SBDS: variants seen among roughly 807,000 people sequenced by gnomAD.
SBDS encodes the protein ribosome maturation protein SBDS.
Under a neutral mutation model 26.4 loss-of-function variants are expected in SBDS, and 20 were observed. That is an observed-to-expected ratio of 0.76 (90% CI 0.53 to 1.10). The LOEUF is 1.10. Among genes scored for constraint, SBDS ranks in the 50% least tolerant of loss-of-function variants. The pLI is 0.00. For synonymous variants in SBDS, 95 were observed against 105.1 expected (o/e 0.90, Z 0.59); for missense variants, 241 against 302.0 (o/e 0.80, Z 1.50).
In SBDS at chr7:66,988,517, G is replaced by T; in HGVS notation, c.625-18C>A. On this transcript the variant is annotated intron_variant, in intron 4 of 4. Coordinates refer to ENST00000246868, the MANE Select transcript of SBDS (RefSeq NM_016038.4). ...AGACATACCTGAAACATTTAACGTAGCAGATTACCACATGAGGATGAGCAA... is the reference window on the plus strand; with the variant it reads ...AGACATACCTGAAACATTTAACGTATCAGATTACCACATGAGGATGAGCAA... 6.2e-7 allele frequency: 1 copy of T among 1,612,348 alleles called. No individual in the cohort carries two copies.
chr7:66,991,468 G>C (rs540585777), intron 3 of SBDS, among the ~76,000 whole-genome samples, 167 bp from the exon 4 acceptor site: 1 of 152,112 alleles, frequency 6.6e-6, no homozygotes, highest in East Asian at 1.9e-4. Context: ...GACTTATCAA[G>C]AAGAAAAGCT....
At chr7:66,994,830 A>G (rs971764935) in intron 1 of SBDS, among the ~76,000 whole-genome samples, 4 of 152,152 alleles carry the variant, frequency 2.6e-5, no homozygotes, top group Non-Finnish European at 4.4e-5. Context: ...GACGTAAGAA[A>G]CACAAGGGTG....
Position 66,994,211 on chromosome 7 carries a change from C to A in SBDS, c.258+1G>T. ...TTAGCTATGCTGCAGCTGTTACCCACCTGCTTACAGATTTCAGTTTGGTCA... is the reference window on the plus strand; with the variant it reads ...TTAGCTATGCTGCAGCTGTTACCCAACTGCTTACAGATTTCAGTTTGGTCA... On this transcript the variant is annotated splice_donor_variant, in intron 2 of 4. Transcript: ENST00000246868. LOFTEE classifies it high-confidence loss of function. 6.2e-7 allele frequency: 1 copy of A among 1,613,980 alleles called. No individual in the cohort carries two copies. Among genetic ancestry groups the A allele is most frequent in the Non-Finnish European group, 8.5e-7 (1 of 1,179,926 alleles).
At chr7:66,992,599 GAA>G (rs200317456) in intron 3 of SBDS, among the ~76,000 whole-genome samples, 1 of 146,884 alleles carries the variant, frequency 6.8e-6, no homozygotes, top group Admixed American at 6.8e-5. Flanking sequence ...GTGTTTACTT[GAA>G]AAAAAAAAAT....
intron 4 of SBDS, 35 bp from the exon 5 acceptor site, chr7:66,988,534 G>A: frequency 6.2e-7 from 1 of 1,609,922 alleles, no homozygotes; most frequent in South Asian, 1.1e-5. Context: ...ACCACATGAG[G>A]ATGAGCAAGA....
intron 1 of SBDS, among the ~76,000 whole-genome samples, chr7:66,994,572 GTAACCT>G (rs1793055108): frequency 6.6e-6 from 1 of 151,384 alleles, no homozygotes; most frequent in Non-Finnish European, 1.5e-5. Context: ...TCGGGTCACT[GTAACCT>G]CAGCCTCCCG....
chr7:66,988,651 C>T (rs182235808), intron 4 of SBDS, 152 bp from the exon 5 acceptor site: 18 of 945,580 alleles, frequency 1.9e-5, no homozygotes, highest in East Asian at 2.6e-5. Flanking sequence ...ATGGGTAGGG[C>T]GGCACACTGG....
At chr7:66,989,660 T>C (rs183590632) in intron 4 of SBDS, among the ~76,000 whole-genome samples, 6 of 151,714 alleles carry the variant, frequency 4.0e-5, no homozygotes, top group Admixed American at 6.6e-5. Context: ...CATAAGGACA[T>C]AATGGTTTCG....
chr7:66,994,434 G>T (rs1562955502), intron 1 of SBDS, 93 bp from the exon 2 acceptor site: 8 of 1,140,712 alleles, frequency 7.0e-6, no homozygotes, highest in Non-Finnish European at 1.1e-5. Context: ...AACATGAACG[G>T]CAAGACACAA....
Position 66,988,577 on chromosome 7 carries a change from G to T in SBDS, c.625-78C>A, listed in dbSNP as rs1792915527. ...TAAACTCAGCTTTAACTTCCTTTGA[G>T]GCAAGCACAATGCTGTCCAGATCTC... On this transcript the variant is annotated intron_variant, in intron 4 of 4. Transcript: ENST00000246868. 4.6e-6 allele frequency: 7 copies of T among 1,527,614 alleles called. No individual in the cohort carries two copies. In the Admixed American group the frequency reaches 1.2e-4, roughly 26 times the overall value. 94.6% of individuals were successfully genotyped at this position (1,527,614 alleles called of 1,614,324 possible).
chr7:66,989,736 C>T (rs1235428388), intron 4 of SBDS, among the ~76,000 whole-genome samples: 1 of 152,140 alleles, frequency 6.6e-6, no homozygotes, highest in East Asian at 1.9e-4. Context: ...TCTGGAAACA[C>T]CCTCACAGAC....
In SBDS at chr7:66,993,410, G is replaced by C. The variant is rs767695678; in HGVS notation, c.266C>G (p.Thr89Ser). 5.0e-5 allele frequency: 80 copies of C among 1,613,152 alleles called. No homozygotes were observed. Among genetic ancestry groups the C allele is most frequent in the Non-Finnish European group, 6.3e-5 (74 of 1,179,532 alleles). Residue 89 changes from threonine (T) to serine (S), a missense_variant, in exon 3 of 5, where the codon ACT (threonine) becomes AGT (serine). Physicochemically the swap from Thr to Ser is moderately conservative, Grantham distance 58 (BLOSUM62 1). Coordinates refer to ENST00000246868, the MANE Select transcript of SBDS (RefSeq NM_016038.4). Reference protein sequence around the residue: ...DQTEICKQILTKGEVQVSDKE... With the variant: ...DQTEICKQILSKGEVQVSDKE... ...ATCTGATACTTGAACTTCTCCTTTA[G>C]TCAAAATCTAAAAAAATGCCAACAC...
intron 4 of SBDS, among the ~76,000 whole-genome samples, chr7:66,990,810 A>T (rs879603196): frequency 1.3e-5 from 2 of 152,040 alleles, no homozygotes; most frequent in Non-Finnish European, 2.9e-5. Context: ...AGGTCAGGAG[A>T]TCAAGACCGT....
chr7:66,991,498 T>C (rs1356547843), intron 3 of SBDS, among the ~76,000 whole-genome samples, 197 bp from the exon 4 acceptor site: 2 of 151,840 alleles, frequency 1.3e-5, no homozygotes, highest in African/African-American at 2.4e-5. Flanking sequence ...CAAAAAACTA[T>C]GAAGAAAGTG....
At chr7:66,993,143 C>T in intron 3 of SBDS, 74 bp downstream of exon 3, 1 of 1,347,054 alleles carries the variant, frequency 7.4e-7, no homozygotes, top group Non-Finnish European at 1.1e-6. Flanking sequence ...GGCCCCAGAC[C>T]CATTATTTTA....
At chr7:66,994,085 A>C in intron 2 of SBDS, 127 bp downstream of exon 2, 1 of 926,528 alleles carries the variant, frequency 1.1e-6, no homozygotes, top group Non-Finnish European at 1.7e-6. Flanking sequence ...ATTAGAAGTG[A>C]CACTGTGCAG....
rs2129231762 is a variant in SBDS, at chr7:66,991,233, G to A, written c.528C>T (p.Phe176=). The change falls in exon 4 of 5, where the codon TTC becomes TTT. Residue 176 remains phenylalanine, a synonymous_variant. Transcript: ENST00000246868. Reference sequence around the variant, plus strand: ...TCTTGCCTTCATTGACTGGAAGGATGAACCGAAGCCTCATGTGAGCACGTT... The same window carrying A: ...TCTTGCCTTCATTGACTGGAAGGATAAACCGAAGCCTCATGTGAGCACGTT... ...KIERAHMRLR[F]ILPVNEGKKL... 6.2e-7 allele frequency: 1 copy of A among 1,613,966 alleles called. No homozygotes were observed. The highest frequency in any genetic ancestry group is 1.6e-4 in the Middle Eastern group (1 of 6,062).
intron 3 of SBDS, among the ~76,000 whole-genome samples, chr7:66,992,943 A>G (rs921024513): frequency 7.3e-5 from 11 of 150,380 alleles, no homozygotes; most frequent in African/African-American, 2.2e-4. Context: ...GGAGGTGGAG[A>G]TTGTAGTGAG....
At chr7:66,995,030 T>A (rs1584438383) in intron 1 of SBDS, 1 of 559,370 alleles carries the variant, frequency 1.8e-6, no homozygotes, top group East Asian at 3.0e-5. Context: ...ATTACGAGAT[T>A]TCTTGGCTGC....
Sources: allele counts gnomAD v4.1 joint callset (sites outside exome capture counted in the v4.1 genomes callset), GRCh38; gene constraint gnomAD v4.1.1; transcripts MANE v1.5; gene names NCBI Gene and HGNC (gene_info 2026-07-23, HGNC 2026-07-21).